The following UNKL variants were observed in gnomAD, a reference collection of about 807,000 sequenced individuals.
The protein encoded by UNKL is unk like zinc finger, also known as putative E3 ubiquitin-protein ligase UNKL.
Under a neutral mutation model 78.0 loss-of-function variants are expected in UNKL, and 60 were observed. That is an observed-to-expected ratio of 0.77 (90% confidence interval 0.63 to 0.95). The LOEUF (loss-of-function observed/expected upper bound fraction) is 0.95. Among genes scored for constraint, UNKL ranks in the 40% least tolerant of loss-of-function variants. The pLI is 0.00. For missense variants in UNKL, 1,159 were observed against 1,045.7 expected, an observed-to-expected ratio of 1.11 and a Z score of -1.49; for synonymous variants, 608 against 474.8, an observed-to-expected ratio of 1.28 and a Z score of -3.65.
At chr16:1,409,917 T>C (rs1183618002) in intron 2 of UNKL, among the ~76,000 whole-genome samples, 1 of 151,550 alleles carries the variant, frequency 6.6e-6, no homozygotes, top group Admixed American at 6.6e-5. Flanking sequence ...CCATCTCTAC[T>C]AAAAACACAA....
In UNKL at chr16:1,363,605, G is replaced by A. The variant is rs546732886; in HGVS notation, c.*2635C>T. On this transcript the variant is annotated 3_prime_UTR_variant, in exon 15 of 15. Coordinates refer to ENST00000389221, the MANE Select transcript of UNKL (RefSeq NM_001372107.1). ...CGCCCCGTGCCCGCCATGGCCACAG[G>A]GGGGAGCTGCTGGGCGCGCCTCCAC... is the stretch of plus-strand genomic sequence containing the variant. The A allele has an allele frequency of 4.7e-6, 1 of 210,722 alleles. No homozygotes were observed. The highest frequency in any genetic ancestry group is 6.2e-5 in the South Asian group (1 of 16,046). The allele number at this position is 210,722 out of a possible 1,614,324, so 13.1% of individuals were successfully genotyped here.
chr16:1,390,604 G>C (rs906525841), intron 9 of UNKL, 28 bp downstream of exon 9: 6 of 1,535,290 alleles, frequency 3.9e-6, no homozygotes, highest in Admixed American at 3.9e-5. Flanking sequence ...CATCAGGCAC[G>C]AGGGTGGGAA....
chr16:1,402,401 G>A (rs1042246430), intron 3 of UNKL, among the ~76,000 whole-genome samples: 3 of 150,980 alleles, frequency 2.0e-5, no homozygotes, highest in Admixed American at 6.6e-5. Context: ...AGCGGCTCAC[G>A]TCTGTAATCC....
At chr16:1,400,769 C>A (rs2037490719) in intron 4 of UNKL, among the ~76,000 whole-genome samples, 1 of 151,918 alleles carries the variant, frequency 6.6e-6, no homozygotes, top group African/African-American at 2.4e-5. Flanking sequence ...CTCACTGCAA[C>A]CTTCACCCCC....
At chr16:1,411,147 T>C (rs2038021368) in intron 2 of UNKL, among the ~76,000 whole-genome samples, 1 of 151,914 alleles carries the variant, frequency 6.6e-6, no homozygotes, top group Non-Finnish European at 1.5e-5. Flanking sequence ...GTCCAGGAGT[T>C]TGAGACTGAG....
Position 1,399,319 on chromosome 16 carries a change from G to A in UNKL, c.734+55C>T, listed in dbSNP as rs1221215401. The A allele has an allele frequency of 2.7e-6, 4 of 1,494,624 alleles. No individual in the cohort carries two copies. Among genetic ancestry groups the A allele is most frequent in the African/African-American group, 1.4e-5 (1 of 71,452 alleles). The allele number at this position is 1,494,624 out of a possible 1,614,324, so 92.6% of individuals were successfully genotyped here. A position where few individuals can be genotyped will look rare whatever the true frequency, so the allele number is the denominator to read the frequency against. On this transcript the variant is annotated intron_variant, in intron 5 of 14. Coordinates refer to ENST00000389221, the MANE Select transcript of UNKL (RefSeq NM_001372107.1). This position sits in a 1 kb window ranked among gnomAD's most constrained non-coding sequence, Gnocchi z 5.8. ...CCGGGGTGGGCAACGCGAGCCACGG[G>A]CCGGGAAGGACGCCCACCAGCCGGA... is the stretch of plus-strand genomic sequence containing the variant.
In UNKL at chr16:1,399,607, A is replaced by G; in HGVS notation, c.599-98T>C. 1 of 1,517,580 alleles carries G rather than the reference A, an allele frequency of 6.6e-7. No homozygotes were observed. Among genetic ancestry groups the G allele is most frequent in the Non-Finnish European group, 8.8e-7 (1 of 1,132,644 alleles). The allele number at this position is 1,517,580 out of a possible 1,614,324, so 94.0% of individuals were successfully genotyped here. On this transcript the variant is annotated intron_variant, in intron 4 of 14. Coordinates refer to ENST00000389221, the MANE Select transcript of UNKL (RefSeq NM_001372107.1). This position sits in a 1 kb window ranked among gnomAD's most constrained non-coding sequence, Gnocchi z 5.8. ...AAGGACCTGGCTGTCCCCCAAATGG[A>G]AGGGGCTGCAGGAGGACTTGGGGAG...
intron 10 of UNKL, among the ~76,000 whole-genome samples, chr16:1,377,301 G>A (rs1006273298): frequency 6.6e-6 from 1 of 152,102 alleles, no homozygotes; most frequent in Admixed American, 6.6e-5. Context: ...GATTACAGGT[G>A]CAAGCCACCA....
chr16:1,414,456 G>A (rs2038187592), intron 1 of UNKL, among the ~76,000 whole-genome samples, 159 bp downstream of exon 1: 1 of 151,356 alleles, frequency 6.6e-6, no homozygotes, highest in South Asian at 2.1e-4. Context: ...TCCGACCTCA[G>A]GCGGAGGCCG....
intron 3 of UNKL, 113 bp from the exon 4 acceptor site, chr16:1,401,814 GA>G: frequency 6.9e-7 from 1 of 1,440,798 alleles, no homozygotes. Flanking sequence ...GGCTGCTGCC[GA>G]AGGGTTCAGG....
chr16:1,379,418 C>G (rs751503757), intron 10 of UNKL: 321 of 949,818 alleles, frequency 3.4e-4, no homozygotes, highest in Non-Finnish European at 3.9e-4. Flanking sequence ...AAGCGGCGAG[C>G]GCCCGGCAGA....
rs1246426412 is a variant in UNKL, at chr16:1,365,075, C to G, written c.*1165G>C. ...GTGGCGCGATCTCGGCTCACTGCAA[C>G]CTCTGCCTCCCAGGTTCAAGCGATT... On this transcript the variant is annotated 3_prime_UTR_variant, in exon 15 of 15. Transcript: ENST00000389221. The G allele has an allele frequency of 1.3e-5, 2 of 152,112 alleles. No homozygotes were observed. Among genetic ancestry groups the G allele is most frequent in the South Asian group, 2.1e-4 (1 of 4,844 alleles). The allele number at this position is 152,112 out of a possible 1,614,324, so 9.4% of individuals were successfully genotyped here. A position where few individuals can be genotyped will look rare whatever the true frequency, so the allele number is the denominator to read the frequency against.
At chr16:1,406,751 C>CCCTGAAGTGAGTGGAACTTT (rs1455492152) in intron 2 of UNKL, among the ~76,000 whole-genome samples, 3 of 152,180 alleles carry the variant, frequency 2.0e-5, no homozygotes, top group African/African-American at 7.2e-5. Flanking sequence ...ATTCTACACA[C>CCCTGAAGTGAGTGGAACTTT]CCTGAAGTGA....
chr16:1,390,501 C>A, intron 9 of UNKL, 131 bp downstream of exon 9: 1 of 931,962 alleles, frequency 1.1e-6, no homozygotes, highest in Non-Finnish European at 1.6e-6. Flanking sequence ...GCTTTGCGAG[C>A]CGAGAGTGGG....
intron 2 of UNKL, among the ~76,000 whole-genome samples, chr16:1,404,456 G>T (rs2037662078): frequency 6.6e-6 from 1 of 152,202 alleles, no homozygotes. Flanking sequence ...GCCGACCCAG[G>T]CTCCGCTGGG....
At position 1,394,121 on chromosome 16, in the gene UNKL, G is replaced by GTAAC; in HGVS notation, c.937+9_937+10insGTTA. The GTAAC allele has an allele frequency of 6.5e-7, 1 of 1,549,554 alleles. No homozygotes were observed. The highest frequency in any genetic ancestry group is 2.4e-5 in the East Asian group (1 of 40,860). On this transcript the variant is annotated intron_variant, in intron 7 of 14. Transcript: ENST00000389221. ...GCTAAGGTGAACCTGCCACAGGGAC[G>GTAAC]GTTACTCACTCTCAACGTGTGCAAA...
intron 8 of UNKL, among the ~76,000 whole-genome samples, chr16:1,392,557 C>G (rs956768027): frequency 7.2e-5 from 11 of 152,166 alleles, no homozygotes; most frequent in African/African-American, 2.7e-4. Context: ...GCCTCAGCCT[C>G]CTGAGTAGCT....
chr16:1,401,527 GC>G lies in UNKL; in HGVS notation c.598+40del, dbSNP rs200363242. On this transcript the variant is annotated intron_variant, in intron 4 of 14. Transcript: ENST00000389221. ...CCCGAGCTGTTCTCGCGCTGTGCCCGCCCCCCCCACCACCGCCCTCAGCTGC... is the reference window on the plus strand; with the variant it reads ...CCCGAGCTGTTCTCGCGCTGTGCCCGCCCCCCCACCACCGCCCTCAGCTGC... The G allele has an allele frequency of 4.1e-4, 582 of 1,405,850 alleles. 5 individuals are homozygous for G. In the African/African-American group the frequency reaches 4.3e-3, roughly 10 times the overall value. The allele number at this position is 1,405,850 out of a possible 1,614,324, so 87.1% of individuals were successfully genotyped here. A position where few individuals can be genotyped will look rare whatever the true frequency, so the allele number is the denominator to read the frequency against.
rs1487101026 is a variant in UNKL, at chr16:1,387,281, G to A, written c.1087-1896C>T. On this transcript the variant is annotated intron_variant, in intron 9 of 14. Transcript: ENST00000389221. The surrounding 1 kb of genome is among the most constrained non-coding windows in gnomAD (Gnocchi z 4.1). ...ATACCCCCTATCAATCCCCCATGGT[G>A]AGCCTGGTGACAGGGTTGCTGGAAG... is the stretch of plus-strand genomic sequence containing the variant. 6.6e-6 allele frequency among the ~76,000 whole-genome samples: 1 copy of A among 152,194 alleles called. No individual in the cohort carries two copies. The highest frequency in any genetic ancestry group is 1.5e-5 in the Non-Finnish European group (1 of 68,020).
Sources: gnomAD v4.1 joint callset for allele counts (sites outside exome capture counted in the v4.1 genomes callset) on GRCh38, gnomAD v4.1.1 for gene constraint, Gnocchi (gnomAD v3.1) non-coding constraint, MANE v1.5 for transcripts, NCBI Gene and HGNC (gene_info 2026-07-23, HGNC 2026-07-21) for gene names.